CEP44: variants seen among roughly 807,000 people sequenced by gnomAD.
CEP44 encodes centrosomal protein of 44 kDa.
In CEP44, 45 loss-of-function variants were observed where a neutral mutation model predicts 46.7. The observed-to-expected ratio is 0.96, with a 90% CI of 0.76 to 1.24. The LOEUF (loss-of-function observed/expected upper bound fraction) is 1.24. Ranked by LOEUF, CEP44 falls within the 50% of genes most tolerant of loss-of-function variation. The probability of loss-of-function intolerance (pLI) is 0.00; values close to 1 mark genes in which losing one functional copy is unlikely to be tolerated. For synonymous variants in CEP44, 142 were observed against 146.0 expected (o/e 0.97, Z 0.20); for missense variants, 475 against 459.7 (o/e 1.03, Z -0.30).
At chr4:174,296,619 A>G (rs1252804446) in intron 1 of CEP44, among the ~76,000 whole-genome samples, 1 of 152,114 alleles carries the variant, frequency 6.6e-6, no homozygotes, top group African/African-American at 2.4e-5. Context: ...GTGTTAAGGT[A>G]TGCCTTATGA....
rs899565904 is a variant in CEP44, at chr4:174,325,475, C to T, written c.1087-6007C>T. On this transcript the variant is annotated intron_variant, in intron 8 of 8. Coordinates refer to the CEP44 transcript ENST00000426172. This position sits in a 1 kb window ranked among gnomAD's most constrained non-coding sequence, Gnocchi z 4.4. Reference sequence around the variant, plus strand: ...TCAAGACCAGCCTGGTCAATATAGCCAGATCCTGTCTCTACAAAAATTTTT... The same window carrying T: ...TCAAGACCAGCCTGGTCAATATAGCTAGATCCTGTCTCTACAAAAATTTTT... Among the ~76,000 whole-genome samples, 9 of 151,922 alleles carry T rather than the reference C, an allele frequency of 5.9e-5. No homozygotes were observed. Among genetic ancestry groups the T allele is most frequent in the Non-Finnish European group, 1.3e-4 (9 of 67,972 alleles).
intron 11 of CEP44, 140 bp downstream of exon 11, chr4:174,316,707 T>C: frequency 1.5e-6 from 1 of 663,296 alleles, no homozygotes; most frequent in Non-Finnish European, 2.4e-6. Flanking sequence ...AGGACTCCAC[T>C]GGATAATAAA....
At chr4:174,303,262 G>A (rs1009898618) in intron 4 of CEP44, among the ~76,000 whole-genome samples, 2 of 151,916 alleles carry the variant, frequency 1.3e-5, no homozygotes, top group African/African-American at 4.8e-5. Context: ...CTGATCTAGT[G>A]TGTTTTTTTT....
rs764078143 is a variant in CEP44, at chr4:174,287,328, A to G, written c.-148+3385A>G. ...ACCAAGAAGGAAAAGAACTGGGTCT[A>G]TTAGAGAAAATTAATGAGGGGGATT... On this transcript the variant is annotated intron_variant, in intron 1 of 11. Coordinates refer to ENST00000503780, the MANE Select transcript of CEP44 (RefSeq NM_001040157.3). The surrounding 1 kb of genome is among the most constrained non-coding windows in gnomAD (Gnocchi z 5.1). 2.6e-5 allele frequency among the ~76,000 whole-genome samples: 4 copies of G among 152,202 alleles called. No homozygotes were observed. The highest frequency in any genetic ancestry group is 5.9e-5 in the Non-Finnish European group (4 of 68,032).
In CEP44 at chr4:174,329,876, T is replaced by G. The variant is rs1459062557; in HGVS notation, c.1087-1606T>G. Among the ~76,000 whole-genome samples the G allele has an allele frequency of 1.3e-5, 2 of 152,126 alleles. No homozygotes were observed. The highest frequency in any genetic ancestry group is 4.8e-5 in the African/African-American group (2 of 41,442). On this transcript the variant is annotated intron_variant, in intron 8 of 8. Coordinates refer to the CEP44 transcript ENST00000426172. The surrounding 1 kb of genome is among the most constrained non-coding windows in gnomAD (Gnocchi z 4.0). ...GAGTTGCAAATAACATCCTCTACCC[T>G]TAGGTCAAAAAGAATATGTAAACCA...
chr4:174,304,572 T>C (rs1331340487), intron 6 of CEP44, among the ~76,000 whole-genome samples: 1 of 152,230 alleles, frequency 6.6e-6, no homozygotes, highest in Non-Finnish European at 1.5e-5. Flanking sequence ...ATTAAATACG[T>C]GTTCTCTTTA....
At chr4:174,330,488 CAAAA>C (rs199858781) in intron 8 of CEP44, among the ~76,000 whole-genome samples, 1 of 75,062 alleles carries the variant, frequency 1.3e-5, no homozygotes, top group Non-Finnish European at 2.9e-5. Flanking sequence ...GACTTCGTCT[CAAAA>C]AAAAAAAAAA....
chr4:174,291,894 C>A (rs1175752448), intron 1 of CEP44, among the ~76,000 whole-genome samples: 1 of 140,506 alleles, frequency 7.1e-6, no homozygotes, highest in East Asian at 2.2e-4. Context: ...GGGCTCAAGT[C>A]AGCCTCCCAC....
downstream of CEP44, among the ~76,000 whole-genome samples, chr4:174,322,388 G>A (rs1444931271): frequency 2.0e-5 from 3 of 151,812 alleles, no homozygotes; most frequent in African/African-American, 7.3e-5. Context: ...GCACCACATT[G>A]GCTGGTAGAA....
downstream of CEP44, chr4:174,320,332 C>CT (rs1302862067): frequency 1.0e-6 from 1 of 972,470 alleles, no homozygotes; most frequent in African/African-American, 1.8e-5. Context: ...AACGTTGGGA[C>CT]TTTGTTTCAT....
rs1741094253 is a variant in CEP44, at chr4:174,311,652, C to T, written c.961+794C>T. Among the ~76,000 whole-genome samples, 1 of 151,940 alleles carries T rather than the reference C, an allele frequency of 6.6e-6. No individual in the cohort carries two copies. The highest frequency in any genetic ancestry group is 2.4e-5 in the African/African-American group (1 of 41,434). ...CACGATTCTAACTACTATATTAACT[C>T]ATTTAATTCTTGAAGTAACCATTGC... On this transcript the variant is annotated intron_variant, in intron 9 of 11. Coordinates refer to ENST00000503780, the MANE Select transcript of CEP44 (RefSeq NM_001040157.3). This position sits in a 1 kb window ranked among gnomAD's most constrained non-coding sequence, Gnocchi z 4.4.
intron 1 of CEP44, among the ~76,000 whole-genome samples, chr4:174,293,663 A>G (rs1417731883): frequency 6.6e-6 from 1 of 152,168 alleles, no homozygotes; most frequent in Non-Finnish European, 1.5e-5. Flanking sequence ...TGACTTTGCT[A>G]TACTCACTTT....
rs1013736885 is a variant in CEP44, at chr4:174,283,936, T to C, written c.-155T>C. 4 of 399,028 alleles carry C rather than the reference T, an allele frequency of 1.0e-5. No homozygotes were observed. The Admixed American group carries it at 1.8e-4, about 18-fold the overall frequency. The allele number at this position is 399,028 out of a possible 1,614,324, so 24.7% of individuals were successfully genotyped here. On this transcript the variant is annotated 5_prime_UTR_variant, in exon 1 of 12. Transcript: ENST00000503780. This position sits in a 1 kb window ranked among gnomAD's most constrained non-coding sequence, Gnocchi z 6.7. ...AGAGAAGCTCCCAGCTTTGAAGGTCTTGCGGTGGTGCGTGGCGGGCAGGAA... is the reference window on the plus strand; with the variant it reads ...AGAGAAGCTCCCAGCTTTGAAGGTCCTGCGGTGGTGCGTGGCGGGCAGGAA...
chr4:174,307,828 A>G (rs1740607580), intron 6 of CEP44, among the ~76,000 whole-genome samples: 1 of 152,242 alleles, frequency 6.6e-6, no homozygotes, highest in Non-Finnish European at 1.5e-5. Context: ...AAGAGAAGGT[A>G]TACATGCAGC....
At chr4:174,294,759 AC>A (rs1296108146) in intron 1 of CEP44, among the ~76,000 whole-genome samples, 1 of 104,134 alleles carries the variant, frequency 9.6e-6, no homozygotes, top group Non-Finnish European at 2.0e-5. Flanking sequence ...CGGGGGGCTG[AC>A]CCCCCCACCT....
intron 1 of CEP44, among the ~76,000 whole-genome samples, chr4:174,285,759 G>A (rs879337140): frequency 5.3e-5 from 8 of 152,168 alleles, no homozygotes; most frequent in Non-Finnish European, 1.2e-4. Context: ...AAGAAGCTCA[G>A]ACCTACTATA....
intron 8 of CEP44, among the ~76,000 whole-genome samples, chr4:174,327,173 A>G (rs1742723063): frequency 7.0e-6 from 1 of 143,372 alleles, no homozygotes; most frequent in Non-Finnish European, 1.5e-5. Flanking sequence ...GTGTATATAT[A>G]TGTATATATA....
chr4:174,292,344 CTT>C (rs1374757694), intron 1 of CEP44, among the ~76,000 whole-genome samples: 1 of 152,088 alleles, frequency 6.6e-6, no homozygotes, highest in Non-Finnish European at 1.5e-5. Context: ...GTACAGACCT[CTT>C]TGGCTTCAAC....
At chr4:174,330,215 G>A (rs1731243915) in intron 8 of CEP44, among the ~76,000 whole-genome samples, 1 of 152,088 alleles carries the variant, frequency 6.6e-6, no homozygotes, top group Non-Finnish European at 1.5e-5. Context: ...TTGGCTGGGT[G>A]CAGTGGCTCA....
Sources: allele counts gnomAD v4.1 joint callset (sites outside exome capture counted in the v4.1 genomes callset), GRCh38; gene constraint gnomAD v4.1.1; non-coding constraint Gnocchi (gnomAD v3.1); transcripts MANE v1.5; gene names NCBI Gene and HGNC (gene_info 2026-07-23, HGNC 2026-07-21).